SLC1A2: variants seen among roughly 807,000 people sequenced by gnomAD.
SLC1A2 encodes excitatory amino acid transporter 2.
SLC1A2 carries 15 observed loss-of-function variants against 48.8 expected under a neutral mutation model. The observed-to-expected ratio is 0.31, with a 90% CI of 0.21 to 0.47. The LOEUF (loss-of-function observed/expected upper bound fraction) is 0.47. Among genes scored for constraint, SLC1A2 ranks in the 20% least tolerant of loss-of-function variants. SLC1A2 has a pLI of 0.99. For synonymous variants in SLC1A2, 279 were observed against 272.6 expected, an observed-to-expected ratio of 1.02 and a Z score of -0.23; for missense variants, 502 against 730.5, an observed-to-expected ratio of 0.69 and a Z score of 3.61.
chr11:35,305,036 GATAA>G (rs1851462216), intron 5 of SLC1A2, among the ~76,000 whole-genome samples: 2 of 152,038 alleles, frequency 1.3e-5, no homozygotes, highest in South Asian at 4.1e-4. Context: ...ATTGTGCTTG[GATAA>G]ATAAACATAC....
Position 35,265,444 on chromosome 11 carries a change from G to A in SLC1A2, c.1653+83C>T, listed in dbSNP as rs993482465. On this transcript the variant is annotated intron_variant, in intron 10 of 10. Coordinates refer to ENST00000278379, the MANE Select transcript of SLC1A2 (RefSeq NM_004171.4). ...ATAAATGTGACAATAATACATGCAG[G>A]GCTTTACGGTTTTTTTTTTTTTAAA... The A allele has an allele frequency of 5.5e-6, 4 of 732,994 alleles. No homozygotes were observed. The African/African-American group carries it at 7.4e-5, about 13-fold the overall frequency. 45.4% of individuals were successfully genotyped at this position (732,994 alleles called of 1,614,324 possible).
At chr11:35,334,421 G>C in intron 1 of SLC1A2, among the ~76,000 whole-genome samples, 1 of 152,294 alleles carries the variant, frequency 6.6e-6, no homozygotes, top group East Asian at 1.9e-4. Context: ...CAAGCAGGTA[G>C]GGAGTGATTT....
chr11:35,395,674 T>C (rs1055479586), intron 1 of SLC1A2, among the ~76,000 whole-genome samples: 2 of 150,556 alleles, frequency 1.3e-5, no homozygotes, highest in Admixed American at 6.6e-5. Flanking sequence ...CAAACTTCTT[T>C]TTTTTTTTTT....
rs374765462 is a variant in SLC1A2 at position 35,317,342 on chromosome 11, G to T, written c.157+35C>A. 22 of 1,602,508 alleles carry T rather than the reference G, an allele frequency of 1.4e-5. No individual in the cohort carries two copies. In the African/African-American group the frequency reaches 2.9e-4, roughly 21 times the overall value. On this transcript the variant is annotated intron_variant, in intron 2 of 10. Coordinates refer to ENST00000278379, the MANE Select transcript of SLC1A2 (RefSeq NM_004171.4). ...ACAGAGCCAGGAGAGTCCCAGAGAA[G>T]AGGGGGCTGGGGGTGGGGTAGTGCA... is the stretch of plus-strand genomic sequence containing the variant.
intron 1 of SLC1A2, among the ~76,000 whole-genome samples, chr11:35,417,221 A>G (rs1310199292): frequency 6.6e-6 from 1 of 152,228 alleles, no homozygotes; most frequent in East Asian, 1.9e-4. Context: ...TCTTTCTAAA[A>G]TGCCGAAAAT....
chr11:35,409,584 G>A (rs1182031169), intron 1 of SLC1A2, among the ~76,000 whole-genome samples: 1 of 152,264 alleles, frequency 6.6e-6, no homozygotes, highest in East Asian at 1.9e-4. Flanking sequence ...TCTCTCTTAT[G>A]TACTTGGTGA....
rs1351241592 is a variant in SLC1A2, at chr11:35,256,513, A to G, written c.*4381T>C. The G allele has an allele frequency of 6.6e-6, 1 of 152,588 alleles. No homozygotes were observed. 9.5% of individuals were successfully genotyped at this position (152,588 alleles called of 1,614,324 possible). A position where few individuals can be genotyped will look rare whatever the true frequency, so the allele number is the denominator to read the frequency against. On this transcript the variant is annotated 3_prime_UTR_variant, in exon 11 of 11. Transcript: ENST00000278379. ...CACCTGCTTGGATTGGCACTCAGTG[A>G]TCCCTCTAGGCTTAACCAGAAATTA...
chr11:35,273,612 G>A (rs1053486027), intron 9 of SLC1A2, among the ~76,000 whole-genome samples: 1 of 152,104 alleles, frequency 6.6e-6, no homozygotes, highest in African/African-American at 2.4e-5. Context: ...GGGGATCAGA[G>A]CATTTTCTCT....
At chr11:35,292,715 C>T (rs1319444758) in intron 6 of SLC1A2, among the ~76,000 whole-genome samples, 195 bp from the exon 7 acceptor site, 2 of 151,824 alleles carry the variant, frequency 1.3e-5, no homozygotes, top group African/African-American at 4.8e-5. Flanking sequence ...GATCTGGTGG[C>T]GCCTGCTCTG....
chr11:35,314,697 AG>A (rs1169977274), intron 3 of SLC1A2, among the ~76,000 whole-genome samples: 1 of 148,122 alleles, frequency 6.8e-6, no homozygotes, highest in Non-Finnish European at 1.5e-5. Flanking sequence ...TGGGCAACAG[AG>A]GGAGACTCCA....
At chr11:35,307,196 C>T (rs1851539504) in intron 4 of SLC1A2, 1 of 122,918 alleles carries the variant, frequency 8.1e-6, no homozygotes, top group Admixed American at 9.4e-5. Context: ...TCACAGGCTG[C>T]CTCAGTTTGG....
chr11:35,327,844 G>C lies in SLC1A2; in HGVS notation c.18-10328C>G, dbSNP rs1212962335. On this transcript the variant is annotated intron_variant, in intron 1 of 10. Coordinates refer to ENST00000278379, the MANE Select transcript of SLC1A2 (RefSeq NM_004171.4). ...GCTTGGAAGTAGCAGAGTTAAACCT[G>C]TGCTGTGGTTCTGCAGCAAAGTTAA... Among the ~76,000 whole-genome samples, 3 of 152,184 alleles carry C rather than the reference G, an allele frequency of 2.0e-5. No individual in the cohort carries two copies. The East Asian group carries it at 5.8e-4, about 29-fold the overall frequency.
At chr11:35,418,749 C>T in intron 1 of SLC1A2, 1 of 581,498 alleles carries the variant, frequency 1.7e-6, no homozygotes, top group Non-Finnish European at 3.1e-6. Context: ...CTCCACCTCT[C>T]GCATTTTCAA....
At chr11:35,409,439 C>A in intron 1 of SLC1A2, among the ~76,000 whole-genome samples, 1 of 152,178 alleles carries the variant, frequency 6.6e-6, no homozygotes, top group East Asian at 1.9e-4. Flanking sequence ...CTTCTGACCC[C>A]TTCCATTATA....
chr11:35,311,980 T>G (rs1591459272), intron 4 of SLC1A2, among the ~76,000 whole-genome samples: 1 of 114,608 alleles, frequency 8.7e-6, no homozygotes, highest in Non-Finnish European at 1.7e-5. Flanking sequence ...ATATATTAAG[T>G]GAGCTGGAAA....
intron 7 of SLC1A2, among the ~76,000 whole-genome samples, chr11:35,291,191 T>C (rs1850990176): frequency 6.6e-6 from 1 of 152,148 alleles, no homozygotes; most frequent in South Asian, 2.1e-4. Flanking sequence ...TGTGCAGAAA[T>C]AAAACAATGA....
chr11:35,292,683 C>T (rs1004160622), intron 6 of SLC1A2, among the ~76,000 whole-genome samples, 163 bp from the exon 7 acceptor site: 1 of 152,160 alleles, frequency 6.6e-6, no homozygotes, highest in Non-Finnish European at 1.5e-5. Flanking sequence ...GACCACTTCC[C>T]TTAACCAAAA....
chr11:35,322,650 G>C, intron 1 of SLC1A2: 15 of 1,534,780 alleles, frequency 9.8e-6, no homozygotes, highest in Non-Finnish European at 1.3e-5. Context: ...GATGTCCAGA[G>C]ATTGCCCTAC....
At chr11:35,325,779 A>G (rs188054488) in intron 1 of SLC1A2, among the ~76,000 whole-genome samples, 1 of 152,178 alleles carries the variant, frequency 6.6e-6, no homozygotes, top group East Asian at 1.9e-4. Flanking sequence ...CCTGGCCAAC[A>G]TAGTGAAACC....
Sources: allele counts gnomAD v4.1 joint callset (sites outside exome capture counted in the v4.1 genomes callset), GRCh38; gene constraint gnomAD v4.1.1; transcripts MANE v1.5; gene names NCBI Gene and HGNC (gene_info 2026-07-23, HGNC 2026-07-21).